UBE2Q2: variants seen among roughly 807,000 people sequenced by gnomAD.
The protein encoded by UBE2Q2 is ubiquitin conjugating enzyme E2 Q2, also known as ubiquitin-conjugating enzyme E2 Q2.
A neutral mutation model predicts 59.9 loss-of-function variants in UBE2Q2; 54 were observed. The observed-to-expected ratio is 0.90, with a 90% CI of 0.72 to 1.13. The LOEUF (loss-of-function observed/expected upper bound fraction) is 1.13, where lower values mean the gene tolerates loss of function less well. Ranked by LOEUF, UBE2Q2 falls within the 50% of genes most tolerant of loss-of-function variation. UBE2Q2 has a pLI of 0.00. For missense variants in UBE2Q2, 433 were observed against 441.9 expected (o/e 0.98, Z 0.18); for synonymous variants, 165 against 155.2 (o/e 1.06, Z -0.47).
At position 75,883,772 on chromosome 15, in the gene UBE2Q2, AGTTGTAAAGCATTAT is replaced by A. The variant is rs1195965418; in HGVS notation, c.884+354_884+368del. ...TCTGGGGCCCACACCTAGAACCATT[AGTTGTAAAGCATTAT>A]GTTGTTGATAGGTAAAGTTTTTAAT... On this transcript the variant is annotated intron_variant, in intron 9 of 12. Coordinates refer to ENST00000267938, the MANE Select transcript of UBE2Q2 (RefSeq NM_173469.4). Among the ~76,000 whole-genome samples, 7 of 152,276 alleles carry A rather than the reference AGTTGTAAAGCATTAT, an allele frequency of 4.6e-5. No individual in the cohort carries two copies. The East Asian group carries it at 1.3e-3, about 29-fold the overall frequency.
intron 1 of UBE2Q2, among the ~76,000 whole-genome samples, chr15:75,846,902 G>C (rs982404442): frequency 2.0e-5 from 3 of 152,086 alleles, no homozygotes; most frequent in African/African-American, 7.2e-5. Flanking sequence ...TCAGGTTTCT[G>C]TATCAGCTGT....
intron 2 of UBE2Q2, among the ~76,000 whole-genome samples, chr15:75,858,781 T>C (rs924452545): frequency 6.6e-6 from 1 of 152,198 alleles, no homozygotes; most frequent in African/African-American, 2.4e-5. Context: ...TAGCACGCAA[T>C]AGAGTGTATT....
At chr15:75,898,998 A>G (rs1343589996) in intron 12 of UBE2Q2, among the ~76,000 whole-genome samples, 2 of 151,190 alleles carry the variant, frequency 1.3e-5, no homozygotes, top group South Asian at 2.1e-4. Context: ...AGTGGCTCAC[A>G]CCTGTAATCC....
chr15:75,862,255 G>T (rs953951902), intron 3 of UBE2Q2, among the ~76,000 whole-genome samples: 1 of 152,110 alleles, frequency 6.6e-6, no homozygotes, highest in Non-Finnish European at 1.5e-5. Flanking sequence ...GATGAGCCCT[G>T]AGTTCTAAGA....
At chr15:75,875,490 C>T (rs1205341739) in intron 5 of UBE2Q2, among the ~76,000 whole-genome samples, 1 of 152,148 alleles carries the variant, frequency 6.6e-6, no homozygotes, top group Non-Finnish European at 1.5e-5. Context: ...GCGAACTAGA[C>T]CATCTGTGTA....
At chr15:75,892,780 G>A (rs335710) in intron 11 of UBE2Q2, among the ~76,000 whole-genome samples, 137,204 of 152,166 alleles carry the variant, frequency 0.9, 62,995 homozygotes, top group East Asian at 1. Context: ...GGAGGCTGAG[G>A]TGGGAAGATC....
chr15:75,852,713 A>G (rs1393147611), intron 1 of UBE2Q2, among the ~76,000 whole-genome samples: 1 of 152,232 alleles, frequency 6.6e-6, no homozygotes, highest in Non-Finnish European at 1.5e-5. Flanking sequence ...GAAGAATTTG[A>G]AGAAGAAAAT....
At chr15:75,856,269 G>GTATATATATATATATATATATATA (rs60490503) in intron 2 of UBE2Q2, among the ~76,000 whole-genome samples, 1 of 139,278 alleles carries the variant, frequency 7.2e-6, no homozygotes, top group African/African-American at 2.7e-5. Flanking sequence ...GTGTGTGTGT[G>GTATATATATATATATATATATATA]TATATATATA....
chr15:75,858,515 C>G (rs1897037745), intron 2 of UBE2Q2, among the ~76,000 whole-genome samples: 1 of 152,072 alleles, frequency 6.6e-6, no homozygotes, highest in African/African-American at 2.4e-5. Context: ...AAGACCTGTC[C>G]TTCTGAATGT....
intron 5 of UBE2Q2, among the ~76,000 whole-genome samples, chr15:75,874,174 T>C (rs1460526408): frequency 1.3e-5 from 2 of 152,180 alleles, no homozygotes; most frequent in Non-Finnish European, 2.9e-5. Context: ...TATATTCAAA[T>C]TCATCCTCTC....
chr15:75,882,488 G>A (rs1312356479), intron 8 of UBE2Q2, among the ~76,000 whole-genome samples: 1 of 152,160 alleles, frequency 6.6e-6, no homozygotes, highest in Non-Finnish European at 1.5e-5. Context: ...AAGAGGTTTT[G>A]TAGTCACTCA....
chr15:75,872,256 AGGCCTATTGAAT>A (rs1897835603), intron 4 of UBE2Q2, among the ~76,000 whole-genome samples: 1 of 151,948 alleles, frequency 6.6e-6, no homozygotes, highest in Admixed American at 6.6e-5. Context: ...CCCAAAAAGG[AGGCCTATTGAAT>A]GGATAGAAGG....
rs1316264204 is a variant in UBE2Q2, at chr15:75,900,767, G to C, written c.*1309G>C. ...AGTAAATAGATTTTCTGGTATTCTT[G>C]TTCACTTGATTACATTTGTATAAAG... On this transcript the variant is annotated 3_prime_UTR_variant, in exon 13 of 13. Coordinates refer to ENST00000267938, the MANE Select transcript of UBE2Q2 (RefSeq NM_173469.4). The C allele has an allele frequency of 1.3e-5, 2 of 152,542 alleles. No individual in the cohort carries two copies. The highest frequency in any genetic ancestry group is 4.8e-5 in the African/African-American group (2 of 41,428). 9.4% of individuals were successfully genotyped at this position (152,542 alleles called of 1,614,324 possible). A position where few individuals can be genotyped will look rare whatever the true frequency, so the allele number is the denominator to read the frequency against.
Position 75,843,642 on chromosome 15 carries a change from C to G in UBE2Q2, c.-25C>G. ...TCCGCGCCCGGCTCCCCTTCCGCGC[C>G]CCTCCCGCCGGAGATGAGGGGAAGA... On this transcript the variant is annotated 5_prime_UTR_variant, in exon 1 of 13. Coordinates refer to ENST00000267938, the MANE Select transcript of UBE2Q2 (RefSeq NM_173469.4). 6.4e-7 allele frequency: 1 copy of G among 1,571,108 alleles called. No homozygotes were observed. The highest frequency in any genetic ancestry group is 8.6e-7 in the Non-Finnish European group (1 of 1,161,916).
chr15:75,891,354 T>C (rs1899095076), intron 11 of UBE2Q2, among the ~76,000 whole-genome samples: 1 of 152,146 alleles, frequency 6.6e-6, no homozygotes, highest in African/African-American at 2.4e-5. Flanking sequence ...AATTAAAAAT[T>C]ATATGTACTT....
At chr15:75,865,417 C>G (rs977464082) in intron 3 of UBE2Q2, among the ~76,000 whole-genome samples, 5 of 152,142 alleles carry the variant, frequency 3.3e-5, no homozygotes, top group African/African-American at 1.2e-4. Flanking sequence ...CATTTATCCC[C>G]TTGACTGGAT....
At chr15:75,894,277 C>T (rs777321252) in intron 11 of UBE2Q2, among the ~76,000 whole-genome samples, 8 of 151,938 alleles carry the variant, frequency 5.3e-5, no homozygotes, top group Admixed American at 6.6e-5. Flanking sequence ...ATAAAAAAAA[C>T]CTGAAGGAGG....
intron 7 of UBE2Q2, 80 bp from the exon 8 acceptor site, chr15:75,879,018 A>T: frequency 9.9e-7 from 1 of 1,007,136 alleles, no homozygotes; most frequent in Non-Finnish European, 1.5e-6. Flanking sequence ...TAGCTGTCAT[A>T]CTAGTTCATT....
chr15:75,886,644 T>A (rs1021822390), intron 9 of UBE2Q2, among the ~76,000 whole-genome samples: 15 of 151,888 alleles, frequency 9.9e-5, no homozygotes, highest in Admixed American at 9.2e-4. Context: ...TCCCAGCACT[T>A]TCGGAGGCCA....
Sources: gnomAD v4.1 joint callset for allele counts (sites outside exome capture counted in the v4.1 genomes callset) on GRCh38, gnomAD v4.1.1 for gene constraint, MANE v1.5 for transcripts, NCBI Gene and HGNC (gene_info 2026-07-23, HGNC 2026-07-21) for gene names.